Variants in RHOT1 observed in about 807,000 individuals in gnomAD.
The protein encoded by RHOT1 is ras homolog family member T1.
A neutral mutation model predicts 95.3 loss-of-function variants in RHOT1; 27 were observed. The observed-to-expected ratio is 0.28, with a 90% CI of 0.21 to 0.39. The LOEUF is 0.39. Among genes scored for constraint, RHOT1 ranks in the 10% least tolerant of loss-of-function variants. The pLI is 1.00. For synonymous variants in RHOT1, 227 were observed against 263.5 expected (o/e 0.86, Z 1.34); for missense variants, 578 against 786.7 (o/e 0.73, Z 3.17).
Position 32,208,226 on chromosome 17 carries a change from T to G in RHOT1, c.1656T>G (p.Pro552=). The G allele has an allele frequency of 6.2e-7, 1 of 1,614,114 alleles. No homozygotes were observed. Among genetic ancestry groups the G allele is most frequent in the East Asian group, 2.2e-5 (1 of 44,876 alleles). ...ATTTCTGCAGGAAACACAAAATGCC[T>G]CCACCACAAGCCTTCACTTGCAATA... The part of the protein sequence containing the change: ...PTDFCRKHKM[P]PPQAFTCNTA... Residue 552 remains proline, a synonymous_variant, in exon 18 of 20, where the codon CCT becomes CCG. Coordinates refer to ENST00000545287, the MANE Select transcript of RHOT1 (RefSeq NM_001033566.3).
chr17:32,211,854 T>A (rs1405216956), intron 19 of RHOT1, among the ~76,000 whole-genome samples: 1 of 152,050 alleles, frequency 6.6e-6, no homozygotes. Flanking sequence ...TAGGCCTTTA[T>A]AATTGAACCA....
intron 19 of RHOT1, among the ~76,000 whole-genome samples, chr17:32,224,222 A>T (rs2039006832): frequency 6.6e-6 from 1 of 152,136 alleles, no homozygotes. Flanking sequence ...GGGATAGGAG[A>T]TTGCACATTA....
intron 6 of RHOT1, among the ~76,000 whole-genome samples, chr17:32,177,226 TAATTAA>T (rs1038119086): frequency 2.0e-5 from 3 of 152,220 alleles, no homozygotes; most frequent in African/African-American, 7.2e-5. Context: ...AACTTTAAAT[TAATTAA>T]AATTAATAAA....
At position 32,192,191 on chromosome 17, in the gene RHOT1, T is replaced by C. The variant is rs2036536825; in HGVS notation, c.541-10T>C. ...TTTAAACAATTATTTCTTTTCTCAA[T>C]GATTTATAGATGAAACCAGCTTGTA... On this transcript the variant is annotated splice_polypyrimidine_tract_variant and intron_variant, in intron 8 of 19. Transcript: ENST00000545287. 3.2e-6 allele frequency: 4 copies of C among 1,249,690 alleles called. No homozygotes were observed. Among genetic ancestry groups the C allele is most frequent in the Non-Finnish European group, 4.6e-6 (4 of 876,674 alleles). 77.4% of individuals were successfully genotyped at this position (1,249,690 alleles called of 1,614,324 possible). A position where few individuals can be genotyped will look rare whatever the true frequency, so the allele number is the denominator to read the frequency against.
At chr17:32,150,776 T>C in intron 1 of RHOT1, 2 of 1,581,222 alleles carry the variant, frequency 1.3e-6, no homozygotes, top group Non-Finnish European at 1.7e-6. Context: ...TGGAAGTCAC[T>C]TGTGGGACTC....
intron 18 of RHOT1, among the ~76,000 whole-genome samples, chr17:32,209,939 C>CA (rs1187210464): frequency 3.0e-5 from 4 of 135,342 alleles, no homozygotes; most frequent in African/African-American, 5.5e-5. Context: ...CATCACAAGT[C>CA]AAAAAAAATG....
chr17:32,164,647 C>T (rs1224123801), intron 1 of RHOT1, among the ~76,000 whole-genome samples: 3 of 151,788 alleles, frequency 2.0e-5, no homozygotes, highest in Non-Finnish European at 4.4e-5. Context: ...AGATGGATGT[C>T]GAGCCCAGGA....
At chr17:32,196,250 A>T (rs1286214959) in intron 11 of RHOT1, among the ~76,000 whole-genome samples, 1 of 146,668 alleles carries the variant, frequency 6.8e-6, no homozygotes, top group Non-Finnish European at 1.5e-5. Context: ...CAGTGGTGTG[A>T]CATGATCACA....
chr17:32,206,353 A>G (rs547798014), intron 16 of RHOT1, among the ~76,000 whole-genome samples: 1 of 140,056 alleles, frequency 7.1e-6, no homozygotes, highest in East Asian at 2.1e-4. Flanking sequence ...CTACAGGCAC[A>G]CGTCACTGCA....
At chr17:32,161,943 C>T (rs777441350) in intron 1 of RHOT1, among the ~76,000 whole-genome samples, 2 of 152,132 alleles carry the variant, frequency 1.3e-5, no homozygotes, top group African/African-American at 2.4e-5. Context: ...GGAAGAGTCC[C>T]GAGCTCAGGA....
rs1312444940 is a variant in RHOT1, at chr17:32,225,617, A to AT, written c.*890dup. 4 of 152,360 alleles carry AT rather than the reference A, an allele frequency of 2.6e-5. No individual in the cohort carries two copies. The highest frequency in any genetic ancestry group is 2.0e-4 in the Admixed American group (3 of 15,262). 9.4% of individuals were successfully genotyped at this position (152,360 alleles called of 1,614,324 possible). A position where few individuals can be genotyped will look rare whatever the true frequency, so the allele number is the denominator to read the frequency against. ...AGGCTAGGATAACCTAGAGGCAGTA[A>AT]TTTTTTAAATGATAAAATAAATCTA... On this transcript the variant is annotated 3_prime_UTR_variant, in exon 20 of 20. Coordinates refer to ENST00000545287, the MANE Select transcript of RHOT1 (RefSeq NM_001033566.3).
intron 1 of RHOT1, among the ~76,000 whole-genome samples, chr17:32,164,424 G>A (rs938757056): frequency 2.0e-5 from 3 of 151,546 alleles, no homozygotes; most frequent in South Asian, 4.2e-4. Flanking sequence ...AGTAGAGACG[G>A]GGTTTCACCA....
chr17:32,200,820 G>T (rs1421671706), intron 13 of RHOT1, 136 bp from the exon 14 acceptor site: 13 of 593,570 alleles, frequency 2.2e-5, no homozygotes, highest in Non-Finnish European at 3.9e-5. Context: ...CTATGGTTGG[G>T]CTCATAGGAA....
intron 1 of RHOT1, among the ~76,000 whole-genome samples, chr17:32,154,243 C>G (rs1329762661): frequency 6.7e-6 from 1 of 149,774 alleles, no homozygotes; most frequent in Non-Finnish European, 1.5e-5. Flanking sequence ...GGGTTTGAGG[C>G]CAGCCTGGAC....
rs553570467 is a variant in RHOT1, at chr17:32,142,768, C to T, written c.37+39C>T. The T allele has an allele frequency of 4.1e-6, 6 of 1,472,826 alleles. No individual in the cohort carries two copies. The African/African-American group carries it at 8.5e-5, about 21-fold the overall frequency. The allele number at this position is 1,472,826 out of a possible 1,614,324, so 91.2% of individuals were successfully genotyped here. Reference sequence around the variant, plus strand: ...CTCTGGCCGGCCCCTGAGTCCCTGCCCTCCCTGCCCCTGCAGCCCCTGTCG... The same window carrying T: ...CTCTGGCCGGCCCCTGAGTCCCTGCTCTCCCTGCCCCTGCAGCCCCTGTCG... On this transcript the variant is annotated intron_variant, in intron 1 of 19. Transcript: ENST00000545287.
At chr17:32,182,033 AC>A (rs758329805) in intron 6 of RHOT1, among the ~76,000 whole-genome samples, 5 of 151,794 alleles carry the variant, frequency 3.3e-5, no homozygotes, top group Admixed American at 6.6e-5. Context: ...CTTATCCTTC[AC>A]CCCTTGGCTC....
chr17:32,189,687 A>G (rs186466530), intron 8 of RHOT1, among the ~76,000 whole-genome samples: 3 of 151,744 alleles, frequency 2.0e-5, no homozygotes, highest in South Asian at 2.1e-4. Context: ...TAAATTGCCT[A>G]TAACGGAATC....
chr17:32,167,984 T>TGATC (rs1476839246), intron 1 of RHOT1, among the ~76,000 whole-genome samples: 2 of 151,932 alleles, frequency 1.3e-5, no homozygotes, highest in African/African-American at 4.8e-5. Context: ...CAGTGAGCTA[T>TGATC]GATCATCCCA....
At chr17:32,192,844 G>C (rs536071391) in intron 9 of RHOT1, among the ~76,000 whole-genome samples, 2 of 151,820 alleles carry the variant, frequency 1.3e-5, no homozygotes, top group Admixed American at 6.6e-5. Flanking sequence ...GCTAATTTTT[G>C]TATTTTTAGT....
Sources: gnomAD v4.1 joint callset for allele counts (sites outside exome capture counted in the v4.1 genomes callset) on GRCh38, gnomAD v4.1.1 for gene constraint, MANE v1.5 for transcripts, NCBI Gene and HGNC (gene_info 2026-07-23, HGNC 2026-07-21) for gene names.